The following NPR3 variants were observed in gnomAD, a reference collection of about 807,000 sequenced individuals.
The protein encoded by NPR3 is atrial natriuretic peptide receptor 3.
Under a neutral mutation model 54.5 loss-of-function variants are expected in NPR3, and 34 were observed. The observed-to-expected ratio is 0.62, with a 90% confidence interval of 0.47 to 0.83. NPR3 has a LOEUF of 0.83. Among genes scored for constraint, NPR3 ranks in the 40% least tolerant of loss-of-function variants. The probability of loss-of-function intolerance (pLI) is 0.00; values close to 1 mark genes in which losing one functional copy is unlikely to be tolerated. For missense variants in NPR3, 674 were observed against 720.8 expected (o/e 0.94, Z 0.74); for synonymous variants, 289 against 297.1 (o/e 0.97, Z 0.28).
At chr5:32,714,266 G>T (rs890774350) in intron 1 of NPR3, among the ~76,000 whole-genome samples, 18 of 152,230 alleles carry the variant, frequency 1.2e-4, no homozygotes, top group African/African-American at 4.3e-4. Flanking sequence ...CGGCTGCCCC[G>T]GCGCACGTGG....
chr5:32,715,207 C>T (rs1389618850), intron 1 of NPR3, among the ~76,000 whole-genome samples: 5 of 152,192 alleles, frequency 3.3e-5, no homozygotes, highest in Admixed American at 3.3e-4. Flanking sequence ...GGGTGAGAAT[C>T]AGGCCTCTTC....
chr5:32,748,408 A>C (rs144357370), intron 3 of NPR3, among the ~76,000 whole-genome samples: 10 of 148,978 alleles, frequency 6.7e-5, no homozygotes, highest in African/African-American at 2.0e-4. Context: ...AGAATAATGC[A>C]AGCCAGAGAT....
chr5:32,778,518 C>T (rs1053355588), intron 4 of NPR3, among the ~76,000 whole-genome samples: 11 of 152,286 alleles, frequency 7.2e-5, no homozygotes, highest in African/African-American at 2.6e-4. Flanking sequence ...GTGATCAACT[C>T]TCATTTCAAT....
rs370485711 is a variant in NPR3 at position 32,747,584 on chromosome 5, A to G, written c.1059+8554A>G. ...TCACTTTCTCTGCCAAACATTTTAG[A>G]TAATGCTGATTTTTTTAAAACCCTT... On this transcript the variant is annotated intron_variant, in intron 3 of 7. Transcript: ENST00000265074. Among the ~76,000 whole-genome samples, 5 of 152,076 alleles carry G rather than the reference A, an allele frequency of 3.3e-5. No homozygotes were observed. In the East Asian group the frequency reaches 7.7e-4, roughly 23 times the overall value.
chr5:32,724,843 C>T (rs1414489162), intron 2 of NPR3, 23 bp downstream of exon 2: 2 of 1,613,450 alleles, frequency 1.2e-6, no homozygotes, highest in Non-Finnish European at 1.7e-6. Flanking sequence ...CCACTTTCCC[C>T]TCCTCTGCTA....
chr5:32,725,315 T>A (rs930385711), intron 2 of NPR3, among the ~76,000 whole-genome samples: 1 of 152,230 alleles, frequency 6.6e-6, no homozygotes, highest in Non-Finnish European at 1.5e-5. Context: ...ATTTGAGTTA[T>A]GTCCATAAAT....
chr5:32,714,302 T>C (rs971106514), intron 1 of NPR3, among the ~76,000 whole-genome samples: 49 of 152,064 alleles, frequency 3.2e-4, no homozygotes, highest in Non-Finnish European at 5.7e-4. Flanking sequence ...CAAGGGCATG[T>C]GTGAGACCAG....
chr5:32,709,223 G>A (rs945718242), upstream of NPR3, among the ~76,000 whole-genome samples: 1 of 152,082 alleles, frequency 6.6e-6, no homozygotes, highest in African/African-American at 2.4e-5. Flanking sequence ...CGCAGACACA[G>A]GGCATACCGC....
chr5:32,734,881 A>G (rs1429432976), intron 2 of NPR3, among the ~76,000 whole-genome samples: 6 of 152,226 alleles, frequency 3.9e-5, no homozygotes, highest in South Asian at 2.1e-4. Flanking sequence ...GTTGCCATCC[A>G]TCCCTTTCTG....
At position 32,774,702 on chromosome 5, in the gene NPR3, T is replaced by C. The variant is rs1741950719; in HGVS notation, c.1060-6T>C. On this transcript the variant is annotated splice_polypyrimidine_tract_variant and splice_region_variant and intron_variant, in intron 3 of 7. Coordinates refer to ENST00000265074, the MANE Select transcript of NPR3 (RefSeq NM_001204375.2). ...TTGGTTCACCCATCTGGGGTTTTCT[T>C]TTCAGGTTAACATGTTTGTTGAAGG... The C allele has an allele frequency of 1.2e-6, 2 of 1,611,046 alleles. No individual in the cohort carries two copies. The highest frequency in any genetic ancestry group is 1.1e-5 in the South Asian group (1 of 91,006).
intron 1 of NPR3, among the ~76,000 whole-genome samples, chr5:32,699,806 A>G (rs1019464241): frequency 2.0e-5 from 3 of 152,122 alleles, no homozygotes; most frequent in African/African-American, 7.2e-5. Flanking sequence ...GTACCTTCAG[A>G]TGGTTTCTTA....
chr5:32,724,038 A>T (rs1466128543), intron 1 of NPR3, among the ~76,000 whole-genome samples: 1 of 152,206 alleles, frequency 6.6e-6, no homozygotes, highest in Non-Finnish European at 1.5e-5. Context: ...ACCCCTAAAC[A>T]TTCAACTGTG....
intron 3 of NPR3, among the ~76,000 whole-genome samples, chr5:32,754,965 A>G (rs1157321476): frequency 2.6e-5 from 4 of 152,200 alleles, no homozygotes; most frequent in African/African-American, 9.6e-5. Context: ...GGTTCACGCC[A>G]TTCTCCTGCC....
At chr5:32,748,904 A>C (rs1247002699) in intron 3 of NPR3, among the ~76,000 whole-genome samples, 3 of 152,048 alleles carry the variant, frequency 2.0e-5, no homozygotes, top group African/African-American at 7.3e-5. Flanking sequence ...CCTATTTTCC[A>C]ACTCTTCTTT....
At chr5:32,735,125 CCT>C (rs1739660911) in intron 2 of NPR3, among the ~76,000 whole-genome samples, 1 of 152,182 alleles carries the variant, frequency 6.6e-6, no homozygotes. Context: ...AGTCCTCACT[CCT>C]CTTTTTGGCT....
At chr5:32,743,075 T>G (rs1344295398) in intron 3 of NPR3, among the ~76,000 whole-genome samples, 1 of 152,214 alleles carries the variant, frequency 6.6e-6, no homozygotes, top group Non-Finnish European at 1.5e-5. Flanking sequence ...AACAATGATG[T>G]TTTTAGTAAA....
intron 3 of NPR3, among the ~76,000 whole-genome samples, chr5:32,742,479 A>T (rs558801386): frequency 2.6e-5 from 4 of 152,196 alleles, no homozygotes; most frequent in African/African-American, 9.6e-5. Context: ...AAATAAGGTA[A>T]TTTTTTAAAA....
intron 1 of NPR3, among the ~76,000 whole-genome samples, chr5:32,723,128 C>G (rs1458345413): frequency 1.3e-5 from 2 of 152,180 alleles, no homozygotes; most frequent in Non-Finnish European, 2.9e-5. Context: ...AGCACCCATG[C>G]TTTTACAAAG....
upstream of NPR3, among the ~76,000 whole-genome samples, chr5:32,708,834 G>GT (rs1407488942): frequency 1.3e-5 from 2 of 151,628 alleles, no homozygotes; most frequent in African/African-American, 4.8e-5. Context: ...ATTTGAAAAG[G>GT]TTTTTTAAAA....
Sources: gnomAD v4.1 joint callset for allele counts (sites outside exome capture counted in the v4.1 genomes callset) on GRCh38, gnomAD v4.1.1 for gene constraint, MANE v1.5 for transcripts, NCBI Gene and HGNC (gene_info 2026-07-23, HGNC 2026-07-21) for gene names.